ARHGEF2: variants seen among roughly 807,000 people sequenced by gnomAD.
ARHGEF2 encodes the protein rho guanine nucleotide exchange factor 2.
A neutral mutation model predicts 121.0 loss-of-function variants in ARHGEF2; 22 were observed. The ratio of observed to expected loss-of-function variants is 0.18; its 90% CI spans 0.13 to 0.26. ARHGEF2 has a LOEUF of 0.26. Among genes scored for constraint, ARHGEF2 ranks in the 10% least tolerant of loss-of-function variants. The probability of loss-of-function intolerance (pLI) is 1.00; values close to 1 mark genes in which losing one functional copy is unlikely to be tolerated. For missense variants in ARHGEF2, 907 were observed against 1,336.0 expected (o/e 0.68, Z 5.01); for synonymous variants, 487 against 530.0 (o/e 0.92, Z 1.11).
rs754257142 is a variant in ARHGEF2, at chr1:155,952,843, C to G, written c.1784-15G>C. The stretch of plus-strand genomic sequence containing the variant: ...CTGCAACTCCACTGCAGATAAGGAA[C>G]AAGTGAGGACATGAGAGGACGTAGG... On this transcript the variant is annotated splice_polypyrimidine_tract_variant and intron_variant, in intron 14 of 21. Transcript: ENST00000361247. The G allele has an allele frequency of 5.0e-6, 8 of 1,613,896 alleles. No homozygotes were observed. The highest frequency in any genetic ancestry group is 3.3e-5 in the South Asian group (3 of 91,054).
intron 14 of ARHGEF2, among the ~76,000 whole-genome samples, chr1:155,954,234 T>A (rs1676135366): frequency 6.7e-6 from 1 of 149,752 alleles, no homozygotes; most frequent in Non-Finnish European, 1.5e-5. Flanking sequence ...GTCTCCCAAA[T>A]CCTTCTGGGA....
upstream of ARHGEF2, chr1:155,979,391 G>A (rs1681912380): frequency 3.2e-6 from 3 of 937,998 alleles, no homozygotes; most frequent in Admixed American, 6.2e-5. Context: ...CTCTCCCCAA[G>A]AAGCAGGGTA....
chr1:155,950,586 C>T lies in ARHGEF2; in HGVS notation c.2704-104G>A. On this transcript the variant is annotated intron_variant, in intron 20 of 21. Coordinates refer to ENST00000361247, the MANE Select transcript of ARHGEF2 (RefSeq NM_001162383.2). The surrounding 1 kb of genome is among the most constrained non-coding windows in gnomAD (Gnocchi z 5.2). ...AGCAGCTCTCCCCCCTGGGGCTCAC[C>T]CATGAGTCCCCTTCAGGAGATCCAC... is the stretch of plus-strand genomic sequence containing the variant. The T allele has an allele frequency of 8.2e-7, 1 of 1,216,844 alleles. No individual in the cohort carries two copies. 75.4% of individuals were successfully genotyped at this position (1,216,844 alleles called of 1,614,324 possible). A position where few individuals can be genotyped will look rare whatever the true frequency, so the allele number is the denominator to read the frequency against.
At chr1:155,960,788 C>T (rs1677750284) in intron 11 of ARHGEF2, among the ~76,000 whole-genome samples, 1 of 152,204 alleles carries the variant, frequency 6.6e-6, no homozygotes, top group Non-Finnish European at 1.5e-5. Context: ...TTGTCCCTCA[C>T]ATCTCATCCC....
intron 13 of ARHGEF2, among the ~76,000 whole-genome samples, chr1:155,957,028 C>CA (rs985790686): frequency 3.4e-5 from 5 of 144,966 alleles, no homozygotes; most frequent in African/African-American, 1.0e-4. Flanking sequence ...GACTCTGTCT[C>CA]AAAAAAAATT....
At chr1:155,970,343 C>G (rs1192835939) in intron 1 of ARHGEF2, 1 of 985,420 alleles carries the variant, frequency 1.0e-6, no homozygotes, top group Non-Finnish European at 1.2e-6. Context: ...CCAATCTGTC[C>G]CTCTTCAAGC....
Position 155,964,172 on chromosome 1 carries a change from A to ATATG in ARHGEF2, c.724+815_724+816insCATA, listed in dbSNP as rs1558030783. Among the ~76,000 whole-genome samples the ATATG allele has an allele frequency of 7.5e-5, 5 of 66,960 alleles. 1 individual carries two copies. Among genetic ancestry groups the ATATG allele is most frequent in the East Asian group, 1.1e-3 (2 of 1,802 alleles). The allele number at this position is 66,960 out of a possible 152,430, so 43.9% of individuals were successfully genotyped here. A position where few individuals can be genotyped will look rare whatever the true frequency, so the allele number is the denominator to read the frequency against. Reference sequence around the variant, plus strand: ...AAAAAAAAAAAAAAAAAAAAAATATATATATATATATATATATATATATAT... The same window carrying ATATG: ...AAAAAAAAAAAAAAAAAAAAAATATATATGTATATATATATATATATATATATAT... On this transcript the variant is annotated intron_variant, in intron 7 of 21. Coordinates refer to ENST00000361247, the MANE Select transcript of ARHGEF2 (RefSeq NM_001162383.2).
rs1553244915 is a variant in ARHGEF2, at chr1:155,964,174, A to ATATATATATATATG, written c.724+813_724+814insCATATATATATATA. On this transcript the variant is annotated intron_variant, in intron 7 of 21. Transcript: ENST00000361247. The stretch of plus-strand genomic sequence containing the variant: ...AAAAAAAAAAAAAAAAAAAATATAT[A>ATATATATATATATG]TATATATATATATATATATATATAC... Among the ~76,000 whole-genome samples, 15 of 78,740 alleles carry ATATATATATATATG rather than the reference A, an allele frequency of 1.9e-4. 1 individual carries two copies. The highest frequency in any genetic ancestry group is 1.1e-3 in the East Asian group (3 of 2,618). 51.7% of individuals were successfully genotyped at this position (78,740 alleles called of 152,430 possible).
chr1:155,965,752 G>T lies in ARHGEF2; in HGVS notation c.349C>A (p.Arg117=). ...SVSLRSKTTI[R]ERPSSAIYPS... is the part of the protein sequence containing the mutation. ...TAGATGGCCGAGCTTGGCCGCTCCC[G>T]GATGGTTGCTGTGGGGGAGAGATGC... Residue 117 remains arginine (R), a synonymous_variant, in exon 5 of 22, where the codon CGG becomes AGG. Transcript: ENST00000361247. This position sits in a 1 kb window ranked among gnomAD's most constrained non-coding sequence, Gnocchi z 6.0. 2 of 1,596,002 alleles carry T rather than the reference G, an allele frequency of 1.3e-6. No homozygotes were observed. Among genetic ancestry groups the T allele is most frequent in the South Asian group, 1.1e-5 (1 of 89,012 alleles).
chr1:155,957,005 G>A (rs1475008896), intron 13 of ARHGEF2, among the ~76,000 whole-genome samples: 2 of 149,334 alleles, frequency 1.3e-5, no homozygotes, highest in Non-Finnish European at 3.0e-5. Context: ...AGGTTGCAGT[G>A]AGCTGAGAGC....
chr1:155,954,830 T>A, intron 14 of ARHGEF2, 72 bp downstream of exon 14: 1 of 1,420,506 alleles, frequency 7.0e-7, no homozygotes, highest in Non-Finnish European at 9.8e-7. Context: ...CTCATCTTTT[T>A]AACAGTTGCA....
In ARHGEF2 at chr1:155,947,882, A is replaced by C. The variant is rs1674637719; in HGVS notation, c.*60T>G. ...TCATCATTGGCAAATTGGAGTCCCC[A>C]AGGTTAGCCCCCTCAGTAATGTTCT... On this transcript the variant is annotated 3_prime_UTR_variant, in exon 22 of 22. Transcript: ENST00000361247. 8 of 1,067,318 alleles carry C rather than the reference A, an allele frequency of 7.5e-6. No individual in the cohort carries two copies. In the Admixed American group the frequency reaches 1.7e-4, roughly 22 times the overall value. 66.1% of individuals were successfully genotyped at this position (1,067,318 alleles called of 1,614,324 possible).
intron 16 of ARHGEF2, 41 bp downstream of exon 16, chr1:155,952,075 C>T: frequency 6.2e-7 from 1 of 1,614,066 alleles, no homozygotes; most frequent in Non-Finnish European, 8.5e-7. Flanking sequence ...TAACTTTGGC[C>T]CCTCCCACCT....
At chr1:155,952,601 T>C (rs781216504) in intron 15 of ARHGEF2, 27 bp downstream of exon 15, 1 of 1,595,326 alleles carries the variant, frequency 6.3e-7, no homozygotes, top group Non-Finnish European at 8.6e-7. Flanking sequence ...TGCTTGAGCC[T>C]GGACTCTTCC....
intron 1 of ARHGEF2, chr1:155,970,187 T>A (rs1406563849): frequency 6.0e-5 from 59 of 985,406 alleles, no homozygotes; most frequent in Non-Finnish European, 7.0e-5. Flanking sequence ...AAGTCCTTTC[T>A]GACATCTACC....
chr1:155,952,927 G>A (rs1289399738), intron 14 of ARHGEF2, 99 bp from the exon 15 acceptor site: 1 of 1,099,000 alleles, frequency 9.1e-7, no homozygotes, highest in Non-Finnish European at 1.3e-6. Context: ...GTGGGGCAGT[G>A]TGGCAGACTT....
chr1:155,951,978 C>T lies in ARHGEF2; in HGVS notation c.2113G>A (p.Ala705Thr), dbSNP rs1164000289. 6.2e-7 allele frequency: 1 copy of T among 1,614,108 alleles called. No homozygotes were observed. The highest frequency in any genetic ancestry group is 2.2e-5 in the East Asian group (1 of 44,880). Residue 705 changes from alanine to threonine, a missense_variant, in exon 17 of 22, where the codon GCC becomes ACC. By Grantham distance (58) the Ala-to-Thr change is moderately conservative. This residue lies in a region of ARHGEF2 where 432 missense variants were observed against 559.5 expected (regional missense o/e 0.77). Transcript: ENST00000361247. The surrounding 1 kb of genome is among the most constrained non-coding windows in gnomAD (Gnocchi z 5.1). The part of the protein sequence containing the change: ...TSPGVTANGE[A>T]RTFNGSIELC... ...TCAATGGAGCCATTGAAGGTTCTGGCCTCACCATCTGTTGAGAAGGAGAAA... is the reference window on the plus strand; with the variant it reads ...TCAATGGAGCCATTGAAGGTTCTGGTCTCACCATCTGTTGAGAAGGAGAAA...
rs1359504077 is a variant in ARHGEF2 at position 155,963,092 on chromosome 1, C to G, written c.816G>C (p.Glu272Asp). The G allele has an allele frequency of 1.3e-5, 21 of 1,614,046 alleles. No individual in the cohort carries two copies. Among genetic ancestry groups the G allele is most frequent in the Non-Finnish European group, 1.7e-5 (20 of 1,180,044 alleles). Residue 272 changes from glutamate to aspartate, a missense_variant, in exon 8 of 22, where the codon GAG becomes GAC. This residue lies in a region of ARHGEF2 where 475 missense variants were observed against 776.5 expected (regional missense o/e 0.61). Coordinates refer to ENST00000361247, the MANE Select transcript of ARHGEF2 (RefSeq NM_001162383.2). ...RTGMLEELHL[E>D]PGVVQGLFPC... ...GGAACAGGCCCTGGACCACTCCTGGCTCCAAGTGTAGCTCTTCCAGCATCC... is the reference window on the plus strand; with the variant it reads ...GGAACAGGCCCTGGACCACTCCTGGGTCCAAGTGTAGCTCTTCCAGCATCC...
chr1:155,970,758 A>G (rs1680301619), intron 1 of ARHGEF2: 7 of 985,706 alleles, frequency 7.1e-6, no homozygotes, highest in Non-Finnish European at 8.4e-6. Context: ...GGAAGTGTGG[A>G]GGGGCTGAGT....
Sources: gnomAD v4.1 joint callset for allele counts (sites outside exome capture counted in the v4.1 genomes callset) on GRCh38, gnomAD v4.1.1 for gene constraint, gnomAD v4.1.1 regional missense constraint, Gnocchi (gnomAD v3.1) non-coding constraint, MANE v1.5 for transcripts, NCBI Gene and HGNC (gene_info 2026-07-23, HGNC 2026-07-21) for gene names.